Variants in MYO3A observed in about 807,000 individuals in gnomAD.
MYO3A encodes myosin-IIIa.
Under a neutral mutation model 192.7 loss-of-function variants are expected in MYO3A, and 180 were observed. That is an observed-to-expected ratio of 0.93 (90% CI 0.83 to 1.06). The LOEUF is 1.06. Among genes scored for constraint, MYO3A ranks in the 50% least tolerant of loss-of-function variants. The pLI is 0.00. For missense variants in MYO3A, 1,896 were observed against 1,905.0 expected (o/e 1.00, Z 0.09); for synonymous variants, 628 against 645.3 (o/e 0.97, Z 0.41).
At chr10:25,988,281 G>T (rs1839780228) in intron 4 of MYO3A, among the ~76,000 whole-genome samples, 1 of 151,940 alleles carries the variant, frequency 6.6e-6, no homozygotes, top group South Asian at 2.1e-4. Context: ...CGGGTGATGG[G>T]TGCACCAAAA....
At chr10:25,975,664 C>T (rs1425958456) in intron 4 of MYO3A, among the ~76,000 whole-genome samples, 2 of 152,116 alleles carry the variant, frequency 1.3e-5, no homozygotes, top group East Asian at 1.9e-4. Flanking sequence ...ATGTAAAGTA[C>T]TTCACAGAGT....
intron 4 of MYO3A, among the ~76,000 whole-genome samples, chr10:25,974,279 C>T (rs971345615): frequency 3.3e-5 from 5 of 152,020 alleles, no homozygotes; most frequent in Non-Finnish European, 5.9e-5. Context: ...ACATGTATCC[C>T]GGAACTTAAA....
intron 20 of MYO3A, among the ~76,000 whole-genome samples, chr10:26,139,356 C>G (rs940668243): frequency 2.6e-5 from 4 of 151,500 alleles, no homozygotes; most frequent in Non-Finnish European, 5.9e-5. Context: ...TTTTCTTTCT[C>G]AGCCTCCCAA....
intron 4 of MYO3A, among the ~76,000 whole-genome samples, chr10:25,984,711 C>A (rs1839540507): frequency 6.6e-6 from 1 of 152,016 alleles, no homozygotes; most frequent in South Asian, 2.1e-4. Flanking sequence ...CATATCAAGA[C>A]CACAGTGGAA....
intron 10 of MYO3A, among the ~76,000 whole-genome samples, chr10:26,042,003 G>T (rs1420956531): frequency 6.6e-6 from 1 of 150,948 alleles, no homozygotes; most frequent in Non-Finnish European, 1.5e-5. Flanking sequence ...TGTAGGACAG[G>T]TTTATTCTTG....
chr10:26,209,228 G>A (rs1289824372), intron 34 of MYO3A, among the ~76,000 whole-genome samples: 1 of 152,074 alleles, frequency 6.6e-6, no homozygotes, highest in Non-Finnish European at 1.5e-5. Flanking sequence ...CCTTCCCTTT[G>A]TGCACTAAAT....
In MYO3A at chr10:26,168,855, C is replaced by A; in HGVS notation, c.3255C>A (p.Ser1085Arg). 1.9e-6 allele frequency: 3 copies of A among 1,610,954 alleles called. No individual in the cohort carries two copies. Among genetic ancestry groups the A allele is most frequent in the Non-Finnish European group, 2.5e-6 (3 of 1,178,892 alleles). ...AAATACAGGAGAAAAGGAAAGAAAG[C>A]GCTATAATAATACAGTCAGGTAATC... ...YQKIQEKRKE[S>R]AIIIQSAARG... The change falls in exon 28 of 35, where the codon AGC becomes AGA. Residue 1085 changes from serine (S) to arginine (R), a missense_variant. Ser to Arg is a moderately radical substitution (Grantham distance 110, BLOSUM62 -1). Transcript: ENST00000642920.
intron 10 of MYO3A, among the ~76,000 whole-genome samples, chr10:26,045,199 G>C (rs576134579): frequency 1.3e-5 from 2 of 152,354 alleles, no homozygotes; most frequent in South Asian, 4.1e-4. Flanking sequence ...CTGAGTACCA[G>C]TGGTGTCTGG....
In MYO3A at chr10:26,000,392, A is replaced by G. The variant is rs544322030; in HGVS notation, c.508+3134A>G. ...TTCACCCCAGTGTGCCTGAGGCATC[A>G]CTCTGTTTGGCAGTGGGAAAATAAT... On this transcript the variant is annotated intron_variant, in intron 6 of 34. Transcript: ENST00000642920. 2.6e-5 allele frequency among the ~76,000 whole-genome samples: 4 copies of G among 152,134 alleles called. No homozygotes were observed. The East Asian group carries it at 7.7e-4, about 29-fold the overall frequency.
At position 25,954,858 on chromosome 10, in the gene MYO3A, G is replaced by A. The variant is rs772822498; in HGVS notation, c.169-16G>A. ...GGTTTTCTCACAGTTCTATTCTTATGACTTTTTGAAACTAGGATATTGACG... is the reference window on the plus strand; with the variant it reads ...GGTTTTCTCACAGTTCTATTCTTATAACTTTTTGAAACTAGGATATTGACG... On this transcript the variant is annotated splice_polypyrimidine_tract_variant and intron_variant, in intron 3 of 34. Coordinates refer to ENST00000642920, the MANE Select transcript of MYO3A (RefSeq NM_017433.5). The A allele has an allele frequency of 1.9e-6, 3 of 1,609,668 alleles. No homozygotes were observed. The South Asian group carries it at 3.3e-5, about 18-fold the overall frequency.
At chr10:26,050,542 C>T (rs1388431980) in intron 10 of MYO3A, among the ~76,000 whole-genome samples, 1 of 152,142 alleles carries the variant, frequency 6.6e-6, no homozygotes, top group African/African-American at 2.4e-5. Context: ...TTACTTGTGT[C>T]TATGCTTTTA....
intron 32 of MYO3A, among the ~76,000 whole-genome samples, chr10:26,195,967 G>A (rs573209883): frequency 6.6e-6 from 1 of 150,906 alleles, no homozygotes; most frequent in African/African-American, 2.5e-5. Flanking sequence ...GTACAAATGA[G>A]AGCAATGAAA....
At chr10:26,151,180 A>G (rs924251488) in intron 23 of MYO3A, among the ~76,000 whole-genome samples, 1 of 152,156 alleles carries the variant, frequency 6.6e-6, no homozygotes, top group African/African-American at 2.4e-5. Flanking sequence ...ATAAATGTCA[A>G]TTAGGTCCAC....
intron 4 of MYO3A, among the ~76,000 whole-genome samples, chr10:25,991,033 T>TG (rs1839995096): frequency 6.6e-6 from 1 of 152,218 alleles, no homozygotes; most frequent in Non-Finnish European, 1.5e-5. Context: ...TACCCAGTAA[T>TG]GGGATGGCTG....
At chr10:26,090,547 G>A (rs1192143654) in intron 15 of MYO3A, among the ~76,000 whole-genome samples, 2 of 152,188 alleles carry the variant, frequency 1.3e-5, no homozygotes, top group Non-Finnish European at 2.9e-5. Context: ...TTTGAGCACA[G>A]CTGTCTTTAA....
intron 4 of MYO3A, among the ~76,000 whole-genome samples, chr10:25,977,254 C>T (rs1402272857): frequency 1.3e-5 from 2 of 152,154 alleles, no homozygotes; most frequent in Admixed American, 6.5e-5. Flanking sequence ...CTTCCTCCTC[C>T]AATTTCTTTT....
At chr10:26,184,083 C>T (rs1191967438) in intron 31 of MYO3A, among the ~76,000 whole-genome samples, 1 of 152,136 alleles carries the variant, frequency 6.6e-6, no homozygotes, top group African/African-American at 2.4e-5. Context: ...TTGAACATGT[C>T]CGTCGGTGCT....
intron 6 of MYO3A, among the ~76,000 whole-genome samples, chr10:26,005,028 G>A (rs1407130724): frequency 3.9e-5 from 6 of 152,106 alleles, no homozygotes; most frequent in African/African-American, 1.2e-4. Flanking sequence ...TAGAAATAGG[G>A]TAGCTTAATT....
chr10:26,016,788 T>C (rs1319083008), intron 6 of MYO3A, 32 bp from the exon 7 acceptor site: 1 of 1,601,322 alleles, frequency 6.2e-7, no homozygotes, highest in Non-Finnish European at 8.6e-7. Context: ...GAGTAATTAA[T>C]GCAAAAAAGT....
Sources: gnomAD v4.1 joint callset for allele counts (sites outside exome capture counted in the v4.1 genomes callset) on GRCh38, gnomAD v4.1.1 for gene constraint, MANE v1.5 for transcripts, NCBI Gene and HGNC (gene_info 2026-07-23, HGNC 2026-07-21) for gene names.